The following SUGP2 variants were observed in gnomAD, a reference collection of about 807,000 sequenced individuals.
The protein encoded by SUGP2 is SURP and G-patch domain containing 2, also known as SURP and G-patch domain-containing protein 2.
A neutral mutation model predicts 90.5 loss-of-function variants in SUGP2; 24 were observed. The ratio of observed to expected loss-of-function variants is 0.27; its 90% CI spans 0.19 to 0.37. The LOEUF is 0.37. Ranked by LOEUF, SUGP2 falls within the 10% of genes least tolerant of loss-of-function variation. SUGP2 has a pLI of 1.00. For missense variants in SUGP2, 1,233 were observed against 1,363.3 expected, an observed-to-expected ratio of 0.90 and a Z score of 1.51; for synonymous variants, 473 against 513.4, an observed-to-expected ratio of 0.92 and a Z score of 1.06.
intron 3 of SUGP2, 38 bp from the exon 4 acceptor site, chr19:19,019,267 G>T: frequency 6.3e-7 from 1 of 1,589,748 alleles, no homozygotes; most frequent in East Asian, 2.3e-5. Flanking sequence ...GAAATATGCT[G>T]AATGTGGGCT....
At chr19:19,003,448 AC>A (rs1312665058) in intron 7 of SUGP2, 1 of 152,332 alleles carries the variant, frequency 6.6e-6, no homozygotes. Flanking sequence ...TCAAAAGGCC[AC>A]ATGCGATGCA....
chr19:19,004,403 G>A lies in SUGP2; in HGVS notation c.2694C>T (p.Asp898=), dbSNP rs764030805. 22 of 1,614,064 alleles carry A rather than the reference G, an allele frequency of 1.4e-5. No individual in the cohort carries two copies. Among genetic ancestry groups the A allele is most frequent in the Non-Finnish European group, 1.8e-5 (21 of 1,180,006 alleles). Reference sequence around the variant, plus strand: ...GGGCCTCCTCTCCCCCATCCTCATCGTCCTCGTCCTCCTCCTCAGGCATCA... The same window carrying A: ...GGGCCTCCTCTCCCCCATCCTCATCATCCTCGTCCTCCTCCTCAGGCATCA... The part of the protein sequence containing the change: ...PEVMPEEEDE[D]DEDGGEEAPA... The change falls in exon 7 of 11, where the codon GAC becomes GAT. Residue 898 remains aspartate (D), a synonymous_variant. Transcript: ENST00000452918.
At chr19:18,994,586 T>C in intron 9 of SUGP2, 100 bp from the exon 10 acceptor site, 1 of 1,476,604 alleles carries the variant, frequency 6.8e-7, no homozygotes, top group Non-Finnish European at 9.2e-7. Flanking sequence ...TGCAGGTGTT[T>C]GGGACACACA....
intron 6 of SUGP2, among the ~76,000 whole-genome samples, chr19:19,005,265 A>G (rs765188267): frequency 8.6e-5 from 13 of 151,814 alleles, no homozygotes; most frequent in Non-Finnish European, 1.8e-4. Flanking sequence ...AACTTGAAAC[A>G]CTCCCGAAAG....
At chr19:19,026,327 G>T in intron 2 of SUGP2, 101 bp from the exon 3 acceptor site, 1 of 1,213,920 alleles carries the variant, frequency 8.2e-7, no homozygotes, top group Non-Finnish European at 1.1e-6. Context: ...TCACCAGGCA[G>T]CAAAACTGCT....
rs573904073 is a variant in SUGP2, at chr19:18,994,891, G to C, written c.3128+253C>G. ...CACAGAAATACCACTTAGCTTTTAT[G>C]ATGGTCACAAATGTGGCCAAAATGA... On this transcript the variant is annotated intron_variant, in intron 9 of 10. Coordinates refer to ENST00000452918, the MANE Select transcript of SUGP2 (RefSeq NM_001017392.5). 208 of 584,492 alleles carry C rather than the reference G, an allele frequency of 3.6e-4. 1 individual carries two copies. The highest frequency in any genetic ancestry group is 5.7e-4 in the Non-Finnish European group (188 of 328,172). The allele number at this position is 584,492 out of a possible 1,614,324, so 36.2% of individuals were successfully genotyped here. A position where few individuals can be genotyped will look rare whatever the true frequency, so the allele number is the denominator to read the frequency against.
At chr19:19,001,547 C>A (rs1425722544) in intron 8 of SUGP2, 66 bp downstream of exon 8, 12 of 1,506,856 alleles carry the variant, frequency 8.0e-6, no homozygotes, top group Non-Finnish European at 1.0e-5. Context: ...CTGCAGCATC[C>A]TTTGGAACTC....
At chr19:18,995,111 AC>A in intron 9 of SUGP2, 32 bp downstream of exon 9, 1 of 949,168 alleles carries the variant, frequency 1.1e-6, no homozygotes, top group Non-Finnish European at 1.6e-6. Context: ...CTGAGGCCCC[AC>A]CCACTCCCAC....
At chr19:19,033,533 C>A (rs1599617589), upstream of SUGP2, 1 of 1,390,952 alleles carries the variant, frequency 7.2e-7, no homozygotes, top group African/African-American at 1.5e-5. Flanking sequence ...AATGAACCAA[C>A]GGTCTCCGCA....
chr19:19,033,421 A>G lies in SUGP2; in HGVS notation c.-12+16T>C. 1 of 1,323,530 alleles carries G rather than the reference A, an allele frequency of 7.6e-7. No individual in the cohort carries two copies. The highest frequency in any genetic ancestry group is 9.7e-7 in the Non-Finnish European group (1 of 1,033,472). The allele number at this position is 1,323,530 out of a possible 1,614,324, so 82.0% of individuals were successfully genotyped here. A position where few individuals can be genotyped will look rare whatever the true frequency, so the allele number is the denominator to read the frequency against. ...CCGGGAGCCACCCACCGACGACGCC[A>G]GGGCCCGGGCCTCACCCCGAGACCA... On this transcript the variant is annotated intron_variant, in intron 1 of 10. Transcript: ENST00000452918.
At chr19:19,008,126 C>T (rs758699120) in intron 6 of SUGP2, among the ~76,000 whole-genome samples, 191 bp downstream of exon 6, 4 of 152,100 alleles carry the variant, frequency 2.6e-5, no homozygotes, top group African/African-American at 9.7e-5. Context: ...ATGCTTGTGG[C>T]GTGAACACAC....
chr19:19,025,715 G>A lies in SUGP2; in HGVS notation c.633C>T (p.Ala211=), dbSNP rs746791931. 2 of 1,613,942 alleles carry A rather than the reference G, an allele frequency of 1.2e-6. No individual in the cohort carries two copies. Among genetic ancestry groups the A allele is most frequent in the African/African-American group, 1.3e-5 (1 of 74,960 alleles). ...CAACGATGTTTAGAGCTCGACCTCT[G>A]GCCTGGACTTGACTGCCGCCCCTAA... The part of the protein sequence containing the change: ...SVLRGGSQVQ[A]RGRALNIVDQ... The change falls in exon 3 of 11, where the codon GCC becomes GCT. Residue 211 remains alanine, a synonymous_variant. Coordinates refer to ENST00000452918, the MANE Select transcript of SUGP2 (RefSeq NM_001017392.5).
chr19:19,010,257 C>T lies in SUGP2; in HGVS notation c.1936G>A (p.Gly646Arg). The change falls in exon 5 of 11, where the codon GGA becomes AGA. Residue 646 changes from glycine (G) to arginine (R), a missense_variant. Gly to Arg is a moderately radical substitution (Grantham distance 125). Transcript: ENST00000452918. ...GCTGAGGTCGGCTTCTGGTCGGCTC[C>T]TCGCAAGTTCTCGCTCATCCGCTGC... ...EMQRMSENLRGADQKPTSADC... is the reference protein window; with the variant it reads ...EMQRMSENLRRADQKPTSADC... The T allele has an allele frequency of 6.2e-7, 1 of 1,614,106 alleles. No homozygotes were observed. Among genetic ancestry groups the T allele is most frequent in the African/African-American group, 1.3e-5 (1 of 75,052 alleles).
chr19:19,019,418 G>GT (rs2058624349), intron 3 of SUGP2, among the ~76,000 whole-genome samples, 189 bp from the exon 4 acceptor site: 1 of 152,176 alleles, frequency 6.6e-6, no homozygotes, highest in South Asian at 2.1e-4. Context: ...CCTAAAAAAT[G>GT]TAACAGTATA....
chr19:18,998,153 C>A (rs1198703426), intron 8 of SUGP2, among the ~76,000 whole-genome samples: 1 of 152,252 alleles, frequency 6.6e-6, no homozygotes, highest in Non-Finnish European at 1.5e-5. Context: ...ATCTGCTTCC[C>A]CTCTAAAGTT....
intron 6 of SUGP2, 31 bp downstream of exon 6, chr19:19,008,286 A>G: frequency 6.5e-7 from 1 of 1,530,492 alleles, no homozygotes; most frequent in Non-Finnish European, 9.1e-7. Flanking sequence ...GAGAAAGAAA[A>G]AGGTGTGATG....
intron 1 of SUGP2, among the ~76,000 whole-genome samples, chr19:19,032,695 C>T (rs970453646): frequency 6.6e-6 from 1 of 152,000 alleles, no homozygotes; most frequent in Non-Finnish European, 1.5e-5. Context: ...ACAGACTCAA[C>T]GACCCATTCA....
rs758899767 is a variant in SUGP2, at chr19:18,994,417, C to T, written c.3198G>A (p.Val1066=). Residue 1066 remains valine (V), a synonymous_variant, in exon 10 of 11, where the codon GTG becomes GTA. Transcript: ENST00000452918. ...ACATCTGCATCATCCTCTGTCGGAACACATCGAATGTGTCTTCTTTGTGCT... is the reference window on the plus strand; with the variant it reads ...ACATCTGCATCATCCTCTGTCGGAATACATCGAATGTGTCTTCTTTGTGCT... ...GQEHKEDTFD[V]FRQRMMQMYR... 1 of 1,614,220 alleles carries T rather than the reference C, an allele frequency of 6.2e-7. No individual in the cohort carries two copies. The highest frequency in any genetic ancestry group is 8.5e-7 in the Non-Finnish European group (1 of 1,180,036).
Position 19,031,082 on chromosome 19 carries a change from C to A in SUGP2, c.-11G>T, listed in dbSNP as rs762328948. Reference sequence around the variant, plus strand: ...TCGTCTGGCTGCCATGTTATTTTGCCCTATGGTGAGAGAGAAAAAAATACA... The same window carrying A: ...TCGTCTGGCTGCCATGTTATTTTGCACTATGGTGAGAGAGAAAAAAATACA... On this transcript the variant is annotated splice_region_variant and 5_prime_UTR_variant, in exon 2 of 11. Transcript: ENST00000452918. 4 of 1,609,520 alleles carry A rather than the reference C, an allele frequency of 2.5e-6. No individual in the cohort carries two copies. The highest frequency in any genetic ancestry group is 3.4e-6 in the Non-Finnish European group (4 of 1,178,834).
Sources: allele counts gnomAD v4.1 joint callset (sites outside exome capture counted in the v4.1 genomes callset), GRCh38; gene constraint gnomAD v4.1.1; transcripts MANE v1.5; gene names NCBI Gene and HGNC (gene_info 2026-07-23, HGNC 2026-07-21).